The following PCYT1A variants were observed in gnomAD, a reference collection of about 807,000 sequenced individuals.
The protein encoded by PCYT1A is choline-phosphate cytidylyltransferase A.
In PCYT1A, 25 loss-of-function variants were observed where a neutral mutation model predicts 43.7. That is an observed-to-expected ratio of 0.57 (90% confidence interval 0.42 to 0.80). The LOEUF is 0.80. PCYT1A is among the 30% of genes least tolerant of loss of function. PCYT1A has a pLI of 0.00. For synonymous variants in PCYT1A, 172 were observed against 170.7 expected, an observed-to-expected ratio of 1.01 and a Z score of -0.06; for missense variants, 421 against 474.2, an observed-to-expected ratio of 0.89 and a Z score of 1.04.
At position 196,248,308 on chromosome 3, in the gene PCYT1A, C is replaced by G. The variant is rs1237888354; in HGVS notation, c.233G>C (p.Arg78Thr). 3.7e-6 allele frequency: 6 copies of G among 1,605,218 alleles called. No individual in the cohort carries two copies. Among genetic ancestry groups the G allele is most frequent in the Non-Finnish European group, 5.1e-6 (6 of 1,172,098 alleles). ...SRGTPCERPV[R>T]VYADGIFDLF... is the part of the protein sequence containing the mutation. ...GTCAAATATTCCATCGGCATAAACT[C>G]TCACAGGTCGCTCACCTAAATCCAA... Residue 78 changes from arginine (R) to threonine (T), a missense_variant, in exon 4 of 9, where the codon AGA (arginine) becomes ACA (threonine). By Grantham distance (71) the Arg-to-Thr change is moderately conservative. This residue lies in a region of PCYT1A where 139 missense variants were observed against 117.7 expected (regional missense o/e 1.18). Transcript: ENST00000431016.
chr3:196,241,605 T>G, intron 7 of PCYT1A: 1 of 1,315,868 alleles, frequency 7.6e-7, no homozygotes, highest in Non-Finnish European at 9.9e-7. Flanking sequence ...CGAGGAGGGC[T>G]CATAGCCTTT....
chr3:196,257,775 G>A lies in PCYT1A; in HGVS notation c.217+13C>T, dbSNP rs748300314. 7.0e-7 allele frequency: 1 copy of A among 1,438,400 alleles called. No individual in the cohort carries two copies. The highest frequency in any genetic ancestry group is 1.1e-5 in the South Asian group (1 of 87,482). 89.1% of individuals were successfully genotyped at this position (1,438,400 alleles called of 1,614,324 possible). A position where few individuals can be genotyped will look rare whatever the true frequency, so the allele number is the denominator to read the frequency against. ...CAATAGTCAAACAACAAATTAAGAAGGTATTTACTTACAAGGAGTTCCTCT... is the reference window on the plus strand; with the variant it reads ...CAATAGTCAAACAACAAATTAAGAAAGTATTTACTTACAAGGAGTTCCTCT... On this transcript the variant is annotated intron_variant, in intron 3 of 8. Coordinates refer to ENST00000431016, the MANE Select transcript of PCYT1A (RefSeq NM_001312673.2).
intron 1 of PCYT1A, among the ~76,000 whole-genome samples, chr3:196,284,169 TTAAG>T (rs976183654): frequency 6.6e-6 from 1 of 152,228 alleles, no homozygotes; most frequent in Non-Finnish European, 1.5e-5. Context: ...AGCATGATGC[TTAAG>T]TAAGAACTCT....
chr3:196,259,453 C>A (rs1346521158), intron 2 of PCYT1A, among the ~76,000 whole-genome samples: 2 of 152,078 alleles, frequency 1.3e-5, no homozygotes, highest in African/African-American at 4.8e-5. Context: ...TGGGCTGAAT[C>A]CAGAGACTGG....
At chr3:196,274,002 C>A (rs1331645451) in intron 1 of PCYT1A, among the ~76,000 whole-genome samples, 1 of 152,252 alleles carries the variant, frequency 6.6e-6, no homozygotes, top group Non-Finnish European at 1.5e-5. Context: ...GCCTTGGCGT[C>A]CCCTCCTGTG....
chr3:196,285,832 T>C (rs1725895386), intron 1 of PCYT1A, among the ~76,000 whole-genome samples: 1 of 152,162 alleles, frequency 6.6e-6, no homozygotes, highest in African/African-American at 2.4e-5. Context: ...TACTAGCAAT[T>C]CTCTGTACTT....
chr3:196,262,546 T>G (rs1948690), intron 2 of PCYT1A, among the ~76,000 whole-genome samples: 55,784 of 152,002 alleles, frequency 0.37, 10,957 homozygotes, highest in East Asian at 0.81. Flanking sequence ...AATGCATGCA[T>G]CTAAAAGTTA....
chr3:196,241,315 C>CAT (rs55695320), intron 7 of PCYT1A: 10,715 of 151,862 alleles, frequency 0.071, 391 homozygotes, highest in Middle Eastern at 0.091. Flanking sequence ...AGAAACACTA[C>CAT]ATATATATAT....
chr3:196,255,460 C>T (rs1339391390), intron 3 of PCYT1A, among the ~76,000 whole-genome samples: 1 of 152,144 alleles, frequency 6.6e-6, no homozygotes, highest in African/African-American at 2.4e-5. Flanking sequence ...TTGAAAATGA[C>T]TTATTTGTAA....
intron 3 of PCYT1A, among the ~76,000 whole-genome samples, chr3:196,256,462 C>G (rs1724954872): frequency 6.6e-6 from 1 of 152,132 alleles, no homozygotes; most frequent in Non-Finnish European, 1.5e-5. Flanking sequence ...TGCATGCCAG[C>G]CTGGGCAACA....
At chr3:196,285,717 A>C (rs1011029138) in intron 1 of PCYT1A, among the ~76,000 whole-genome samples, 2 of 152,088 alleles carry the variant, frequency 1.3e-5, no homozygotes, top group Non-Finnish European at 2.9e-5. Context: ...CATCCCAATC[A>C]CCATTATTGA....
At chr3:196,241,485 A>G (rs1161110349) in intron 7 of PCYT1A, 4 of 1,284,962 alleles carry the variant, frequency 3.1e-6, no homozygotes, top group South Asian at 1.2e-5. Context: ...AGAAAAATAT[A>G]TAGAGTTTCT....
rs1724209332 is a variant in PCYT1A at position 196,237,752 on chromosome 3, T to A, written c.*936A>T. 2 of 152,168 alleles carry A rather than the reference T, an allele frequency of 1.3e-5. No individual in the cohort carries two copies. Among genetic ancestry groups the A allele is most frequent in the African/African-American group, 4.8e-5 (2 of 41,446 alleles). 9.4% of individuals were successfully genotyped at this position (152,168 alleles called of 1,614,324 possible). Reference sequence around the variant, plus strand: ...TCCTTTGTAAAAGGCTAGGTAATATTAATAGCATTCAAATAGGAGTAGCAG... The same window carrying A: ...TCCTTTGTAAAAGGCTAGGTAATATAAATAGCATTCAAATAGGAGTAGCAG... On this transcript the variant is annotated 3_prime_UTR_variant, in exon 9 of 9. Transcript: ENST00000431016.
intron 1 of PCYT1A, among the ~76,000 whole-genome samples, chr3:196,285,124 A>G (rs965612392): frequency 3.9e-5 from 6 of 152,172 alleles, no homozygotes; most frequent in Admixed American, 1.3e-4. Flanking sequence ...TACTTCTCCT[A>G]TTATAAAAAG....
intron 3 of PCYT1A, among the ~76,000 whole-genome samples, chr3:196,256,083 T>G (rs1421491111): frequency 6.6e-6 from 1 of 152,054 alleles, no homozygotes; most frequent in Non-Finnish European, 1.5e-5. Flanking sequence ...CAATATGAAC[T>G]ATATCTACAC....
chr3:196,270,377 G>C, intron 2 of PCYT1A, 38 bp downstream of exon 2: 1 of 1,251,158 alleles, frequency 8.0e-7, no homozygotes, highest in Non-Finnish European at 1.2e-6. Context: ...TGTCATATCG[G>C]TTTCTACCCT....
At chr3:196,261,682 C>T (rs551132272) in intron 2 of PCYT1A, among the ~76,000 whole-genome samples, 56 of 151,412 alleles carry the variant, frequency 3.7e-4, no homozygotes, top group South Asian at 2.7e-3. Flanking sequence ...CCCAGCTACT[C>T]GGGAGGCTGA....
In PCYT1A at chr3:196,242,653, A is replaced by G; in HGVS notation, c.487-13T>C. 6.5e-7 allele frequency: 1 copy of G among 1,546,992 alleles called. No individual in the cohort carries two copies. Among genetic ancestry groups the G allele is most frequent in the South Asian group, 1.1e-5 (1 of 89,720 alleles). On this transcript the variant is annotated splice_polypyrimidine_tract_variant and intron_variant, in intron 5 of 8. Coordinates refer to ENST00000431016, the MANE Select transcript of PCYT1A (RefSeq NM_001312673.2). This position sits in a 1 kb window ranked among gnomAD's most constrained non-coding sequence, Gnocchi z 4.2. ...CTACAAAATCAATCTGAAAATAAGG[A>G]AACATCATTAAAACCCATGATAACT...
intron 1 of PCYT1A, among the ~76,000 whole-genome samples, chr3:196,275,057 A>G (rs1197692096): frequency 2.0e-5 from 3 of 152,194 alleles, no homozygotes; most frequent in Non-Finnish European, 4.4e-5. Context: ...CATCCAATTA[A>G]TGATTGTTTT....
Sources: allele counts gnomAD v4.1 joint callset (sites outside exome capture counted in the v4.1 genomes callset), GRCh38; gene constraint gnomAD v4.1.1; regional missense constraint gnomAD v4.1.1; non-coding constraint Gnocchi (gnomAD v3.1); transcripts MANE v1.5; gene names NCBI Gene and HGNC (gene_info 2026-07-23, HGNC 2026-07-21).